Variants in KCNT2 observed in about 807,000 individuals in gnomAD.
The protein encoded by KCNT2 is potassium channel subfamily T member 2.
KCNT2 carries 67 observed loss-of-function variants against 153.8 expected under a neutral mutation model. That is an observed-to-expected ratio of 0.44 (90% CI 0.36 to 0.53). The LOEUF (loss-of-function observed/expected upper bound fraction) is 0.53, where lower values mean the gene tolerates loss of function less well. Ranked by LOEUF, KCNT2 falls within the 20% of genes least tolerant of loss-of-function variation. The pLI, the probability that KCNT2 is intolerant of heterozygous loss-of-function variation, is 0.00. For synonymous variants in KCNT2, 500 were observed against 458.8 expected, an observed-to-expected ratio of 1.09 and a Z score of -1.15; for missense variants, 975 against 1,354.8, an observed-to-expected ratio of 0.72 and a Z score of 4.40.
chr1:196,317,121 G>C (rs1662805564), intron 20 of KCNT2: 1 of 255,720 alleles, frequency 3.9e-6, no homozygotes, highest in Non-Finnish European at 8.3e-6. Context: ...TTCCTTTTAT[G>C]GGAAGGCGGG....
chr1:196,486,256 T>G (rs983031471), intron 3 of KCNT2, among the ~76,000 whole-genome samples: 1 of 151,964 alleles, frequency 6.6e-6, no homozygotes, highest in Admixed American at 6.6e-5. Flanking sequence ...ATATCTATAT[T>G]GTAATATGCA....
At chr1:196,399,104 T>TGTGC (rs1192418220) in intron 12 of KCNT2, among the ~76,000 whole-genome samples, 1 of 149,514 alleles carries the variant, frequency 6.7e-6, no homozygotes, top group Admixed American at 6.7e-5. Context: ...TGTATGTGTG[T>TGTGC]GTGTGTGTGT....
chr1:196,293,667 T>C lies in KCNT2; in HGVS notation c.2596-7909A>G, dbSNP rs570971632. ...CAAAAATTTGGACCTTATCTCATGC[T>C]ATATGCAAAAATCAACTCAAAGACT... On this transcript the variant is annotated intron_variant, in intron 22 of 27. Transcript: ENST00000294725. 1.1e-4 allele frequency among the ~76,000 whole-genome samples: 16 copies of C among 147,814 alleles called. 2 individuals carry two copies. The East Asian group carries it at 3.2e-3, about 29-fold the overall frequency.
chr1:196,588,959 G>C (rs1185407556), intron 1 of KCNT2, among the ~76,000 whole-genome samples: 1 of 151,634 alleles, frequency 6.6e-6, no homozygotes, highest in Admixed American at 6.6e-5. Flanking sequence ...AATCATCAGT[G>C]AATCCCCCAA....
intron 14 of KCNT2, among the ~76,000 whole-genome samples, chr1:196,369,458 A>G (rs1427129258): frequency 1.3e-5 from 2 of 151,916 alleles, no homozygotes; most frequent in Non-Finnish European, 2.9e-5. Flanking sequence ...TATATTTCCC[A>G]GTGCTATCCC....
At chr1:196,266,893 G>A (rs1558082497) in intron 25 of KCNT2, among the ~76,000 whole-genome samples, 1 of 152,146 alleles carries the variant, frequency 6.6e-6, no homozygotes, top group African/African-American at 2.4e-5. Flanking sequence ...GTTCTATTAA[G>A]TGCCTCTTTT....
At chr1:196,402,241 CAA>C (rs1558246842) in intron 12 of KCNT2, among the ~76,000 whole-genome samples, 1 of 151,340 alleles carries the variant, frequency 6.6e-6, no homozygotes, top group African/African-American at 2.4e-5. Context: ...AGAAATAAAA[CAA>C]GAGTAACAAA....
chr1:196,365,313 G>A (rs916601164), intron 14 of KCNT2, among the ~76,000 whole-genome samples: 14 of 141,948 alleles, frequency 9.9e-5, no homozygotes, highest in Non-Finnish European at 1.9e-4. Context: ...TCTTTATATT[G>A]TTCATTTCAA....
chr1:196,294,865 T>C (rs1660537080), intron 22 of KCNT2, among the ~76,000 whole-genome samples: 1 of 151,592 alleles, frequency 6.6e-6, no homozygotes, highest in South Asian at 2.1e-4. Flanking sequence ...ATTGAATTCA[T>C]AGTAGAGAGT....
intron 27 of KCNT2, among the ~76,000 whole-genome samples, chr1:196,235,689 T>C (rs887996535): frequency 1.3e-5 from 2 of 151,474 alleles, no homozygotes; most frequent in Admixed American, 1.3e-4. Context: ...TTTCACTGTT[T>C]CTGTTGAGTT....
chr1:196,262,825 G>A (rs981411250), intron 25 of KCNT2, among the ~76,000 whole-genome samples: 7 of 151,946 alleles, frequency 4.6e-5, no homozygotes, highest in Non-Finnish European at 1.0e-4. Context: ...GTTGAATTTG[G>A]AATCAAATAA....
chr1:196,589,530 G>A (rs369959478), intron 1 of KCNT2, among the ~76,000 whole-genome samples: 12 of 152,016 alleles, frequency 7.9e-5, no homozygotes, highest in South Asian at 4.1e-4. Context: ...TTCTGAAACC[G>A]TCTCTCTTTG....
intron 1 of KCNT2, among the ~76,000 whole-genome samples, chr1:196,535,770 A>C (rs1655476731): frequency 6.6e-6 from 1 of 152,200 alleles, no homozygotes; most frequent in African/African-American, 2.4e-5. Context: ...CACAAGCCAT[A>C]TGTACAGTGT....
At chr1:196,471,267 T>C (rs1015079244) in intron 5 of KCNT2, among the ~76,000 whole-genome samples, 2 of 152,040 alleles carry the variant, frequency 1.3e-5, no homozygotes, top group African/African-American at 2.4e-5. Flanking sequence ...AGAAAAGCTA[T>C]AGAACCTCTC....
At chr1:196,566,476 C>T (rs192376879) in intron 1 of KCNT2, among the ~76,000 whole-genome samples, 1 of 151,984 alleles carries the variant, frequency 6.6e-6, no homozygotes, top group African/African-American at 2.4e-5. Context: ...TGAGTAGGAA[C>T]ATGGCAATTG....
intron 1 of KCNT2, among the ~76,000 whole-genome samples, chr1:196,527,202 ATCT>A (rs1444828603): frequency 6.6e-6 from 1 of 152,126 alleles, no homozygotes; most frequent in Non-Finnish European, 1.5e-5. Flanking sequence ...GATATCTCAA[ATCT>A]TCTTGTAGAA....
At chr1:196,598,078 G>A (rs577529113) in intron 1 of KCNT2, among the ~76,000 whole-genome samples, 76 of 152,212 alleles carry the variant, frequency 5.0e-4, no homozygotes, top group African/African-American at 1.8e-3. Context: ...ATAAAAAATA[G>A]TAATAATTGT....
rs1477215256 is a variant in KCNT2, at chr1:196,280,890, C to T, written c.2880G>A (p.Arg960=). Reference sequence around the variant, plus strand: ...ATGTAGTAAGTTTCTGAGACTCAGTCCTGTAGATTCCAATGGGAACATCTC... The same window carrying T: ...ATGTAGTAAGTTTCTGAGACTCAGTTCTGTAGATTCCAATGGGAACATCTC... ...STGDVPIGIY[R]TESQKLTTSE... Residue 960 remains arginine, a synonymous_variant, in exon 25 of 28, where the codon AGG becomes AGA. Transcript: ENST00000294725. 1 of 1,612,186 alleles carries T rather than the reference C, an allele frequency of 6.2e-7. No homozygotes were observed.
In KCNT2 at chr1:196,313,358, G is replaced by A. The variant is rs190015444; in HGVS notation, c.2483+2534C>T. ...AGGTTTAGGCTATGACCATGAGAAT[G>A]GGTGGTGAAGGTCAGATATTCAAAG... On this transcript the variant is annotated intron_variant, in intron 21 of 27. Coordinates refer to ENST00000294725, the MANE Select transcript of KCNT2 (RefSeq NM_198503.5). 7.2e-3 allele frequency among the ~76,000 whole-genome samples: 1,093 copies of A among 151,720 alleles called. 7 individuals are homozygous for A. Among genetic ancestry groups the A allele is most frequent in the Non-Finnish European group, 0.01 (686 of 67,742 alleles).
Sources: allele counts gnomAD v4.1 joint callset (sites outside exome capture counted in the v4.1 genomes callset), GRCh38; gene constraint gnomAD v4.1.1; transcripts MANE v1.5; gene names NCBI Gene and HGNC (gene_info 2026-07-23, HGNC 2026-07-21).